SEZ6L2: variants seen among roughly 807,000 people sequenced by gnomAD.
SEZ6L2 encodes the protein seizure related 6 homolog like 2.
A neutral mutation model predicts 97.0 loss-of-function variants in SEZ6L2; 44 were observed. That is an observed-to-expected ratio of 0.45 (90% CI 0.36 to 0.58). The LOEUF (loss-of-function observed/expected upper bound fraction) is 0.58, where lower values mean the gene tolerates loss of function less well. Ranked by LOEUF, SEZ6L2 falls within the 20% of genes least tolerant of loss-of-function variation. The probability of loss-of-function intolerance (pLI) is 0.00; values close to 1 mark genes in which losing one functional copy is unlikely to be tolerated. For missense variants in SEZ6L2, 1,086 were observed against 1,233.3 expected, an observed-to-expected ratio of 0.88 and a Z score of 1.79; for synonymous variants, 543 against 546.1, an observed-to-expected ratio of 0.99 and a Z score of 0.08.
chr16:29,875,273 G>T lies in SEZ6L2; in HGVS notation c.2104+1483C>A, dbSNP rs563933667. On this transcript the variant is annotated intron_variant, in intron 12 of 17. Coordinates refer to ENST00000617533, the MANE Select transcript of SEZ6L2 (RefSeq NM_001243332.2). The stretch of plus-strand genomic sequence containing the variant: ...GGGCGGTCAAAGGACTTGGCCCATG[G>T]TCATTCAGCCAGGGAGTGGCAGAGC... 3.3e-5 allele frequency among the ~76,000 whole-genome samples: 5 copies of T among 152,322 alleles called. No individual in the cohort carries two copies. The South Asian group carries it at 1.0e-3, about 32-fold the overall frequency.
At position 29,899,518 on chromosome 16, in the gene SEZ6L2, C is replaced by T. The variant is rs551761690; in HGVS notation, c.-499G>A. The T allele has an allele frequency of 5.5e-3, 868 of 157,038 alleles. 5 individuals carry two copies. Among genetic ancestry groups the T allele is most frequent in the Non-Finnish European group, 7.9e-3 (562 of 71,380 alleles). 9.7% of individuals were successfully genotyped at this position (157,038 alleles called of 1,614,324 possible). A position where few individuals can be genotyped will look rare whatever the true frequency, so the allele number is the denominator to read the frequency against. On this transcript the variant is annotated 5_prime_UTR_variant, in exon 1 of 18. Transcript: ENST00000617533. The stretch of plus-strand genomic sequence containing the variant: ...TTGGGGAACTGGGAGAGCCGAAGCT[C>T]GGGCACTGGAGCTGCGGGAGGGAGA...
At chr16:29,895,200 G>GT in intron 5 of SEZ6L2, 59 bp downstream of exon 5, 1 of 711,614 alleles carries the variant, frequency 1.4e-6, no homozygotes, top group Non-Finnish European at 2.3e-6. Flanking sequence ...AAAAAAAAAA[G>GT]ATGTCCAGTG....
chr16:29,875,994 C>A (rs2067895425), intron 12 of SEZ6L2, among the ~76,000 whole-genome samples: 1 of 151,882 alleles, frequency 6.6e-6, no homozygotes, highest in African/African-American at 2.4e-5. Flanking sequence ...CTGCCCCAGC[C>A]CTGAGAAAAT....
chr16:29,897,213 G>C, intron 2 of SEZ6L2, 92 bp from the exon 3 acceptor site: 2 of 1,139,518 alleles, frequency 1.8e-6, no homozygotes, highest in Non-Finnish European at 2.4e-6. Flanking sequence ...GGGTTCCCCT[G>C]CCATACCACA....
At chr16:29,887,462 G>A (rs1454816907) in intron 7 of SEZ6L2, among the ~76,000 whole-genome samples, 187 bp downstream of exon 7, 7 of 147,160 alleles carry the variant, frequency 4.8e-5, no homozygotes, top group African/African-American at 1.8e-4. Flanking sequence ...CACCATGCCC[G>A]GCTAATTTTT....
At position 29,877,273 on chromosome 16, in the gene SEZ6L2, T is replaced by C. The variant is rs765968717; in HGVS notation, c.1907A>G (p.Lys636Arg). ...GLGQGFVLHFKEVPRNDTCPE... is the reference protein window; with the variant it reads ...GLGQGFVLHFREVPRNDTCPE... The stretch of plus-strand genomic sequence containing the variant: ...CCCGGGACTCTATCCCTCAGTACCT[T>C]TGAAGTGCAATACGAAGCCCTGGCC... The change falls in exon 11 of 18, where the codon AAA becomes AGA. Residue 636 changes from lysine to arginine, a missense_variant and splice_region_variant. Lys to Arg is a conservative substitution (Grantham distance 26, BLOSUM62 2). Around this residue, in one of 2 missense-constraint regions of SEZ6L2, gnomAD observed 310 missense variants for 438.6 expected, o/e 0.71. Coordinates refer to ENST00000617533, the MANE Select transcript of SEZ6L2 (RefSeq NM_001243332.2). The C allele has an allele frequency of 1.3e-6, 2 of 1,586,860 alleles. No individual in the cohort carries two copies. Among genetic ancestry groups the C allele is most frequent in the East Asian group, 2.3e-5 (1 of 44,400 alleles).
Position 29,895,366 on chromosome 16 carries a change from G to A in SEZ6L2, c.746C>T (p.Ser249Phe). The change falls in exon 5 of 18, where the codon TCC becomes TTC. Residue 249 changes from serine to phenylalanine, a missense_variant. Transcript: ENST00000617533. The part of the protein sequence containing the change: ...GLAPRLLANS[S>F]MLGEGQVLRS... ...AAGGACTTGTCCTTCTCCAAGCATG[G>A]ATGAGTTGGCCAGGAGTCGGGGGGC... The A allele has an allele frequency of 6.2e-7, 1 of 1,614,116 alleles. No homozygotes were observed. Among genetic ancestry groups the A allele is most frequent in the Non-Finnish European group, 8.5e-7 (1 of 1,180,004 alleles).
chr16:29,896,463 G>C (rs1424627505), intron 3 of SEZ6L2, among the ~76,000 whole-genome samples: 1 of 151,992 alleles, frequency 6.6e-6, no homozygotes, highest in Admixed American at 6.6e-5. Context: ...ATTTTTAGTA[G>C]AGACAGGGTT....
Position 29,896,931 on chromosome 16 carries a change from TG to T in SEZ6L2, c.401del (p.Pro134HisfsTer34). 7.3e-7 allele frequency: 1 copy of T among 1,367,386 alleles called. No homozygotes were observed. Among genetic ancestry groups the T allele is most frequent in the Non-Finnish European group, 1.0e-6 (1 of 966,550 alleles). 84.7% of individuals were successfully genotyped at this position (1,367,386 alleles called of 1,614,324 possible). On this transcript the variant is annotated frameshift_variant, in exon 3 of 18. Transcript: ENST00000617533. LOFTEE classifies it high-confidence loss of function. The stretch of plus-strand genomic sequence containing the variant: ...GAGGCCCTGGGGAGGCAGGGCTGGG[TG>T]GGGGTGGGGCTGTGGTTCCTGGGGG... The part of the protein sequence containing the change: ...TPPPGTTAPP[P>X]PSPASPGPPL...
intron 5 of SEZ6L2, among the ~76,000 whole-genome samples, chr16:29,890,158 T>C (rs1053964785): frequency 6.6e-6 from 1 of 152,096 alleles, no homozygotes; most frequent in African/African-American, 2.4e-5. Context: ...ACCTCCTGAC[T>C]TCACTTTCAC....
intron 17 of SEZ6L2, 66 bp downstream of exon 17, chr16:29,872,121 G>T (rs980027851): frequency 3.1e-6 from 4 of 1,286,164 alleles, no homozygotes; most frequent in East Asian, 2.3e-5. Context: ...CAGAGACCTT[G>T]CGAGAAGGTT....
Position 29,895,349 on chromosome 16 carries a change from G to T in SEZ6L2, c.763C>A (p.Gln255Lys). 1.2e-6 allele frequency: 2 copies of T among 1,614,164 alleles called. No individual in the cohort carries two copies. Among genetic ancestry groups the T allele is most frequent in the Non-Finnish European group, 1.7e-6 (2 of 1,180,032 alleles). The change falls in exon 5 of 18, where the codon CAA (glutamine) becomes AAA (lysine). Residue 255 changes from glutamine to lysine, a missense_variant. Physicochemically the swap from Gln to Lys is moderately conservative, Grantham distance 53. Coordinates refer to ENST00000617533, the MANE Select transcript of SEZ6L2 (RefSeq NM_001243332.2). Reference sequence around the variant, plus strand: ...CGGTTGGTTGGGCTCCGAAGGACTTGTCCTTCTCCAAGCATGGATGAGTTG... The same window carrying T: ...CGGTTGGTTGGGCTCCGAAGGACTTTTCCTTCTCCAAGCATGGATGAGTTG... ...LANSSMLGEG[Q>K]VLRSPTNRLL...
At position 29,898,118 on chromosome 16, in the gene SEZ6L2, G is replaced by T. The variant is rs887178082; in HGVS notation, c.80-134C>A. On this transcript the variant is annotated intron_variant, in intron 1 of 17. Coordinates refer to ENST00000617533, the MANE Select transcript of SEZ6L2 (RefSeq NM_001243332.2). ...GGCTCAGATGGTCCCAGGCTCGACT[G>T]AGGGCCAAGATCGGAGGAGGGGCTC... is the stretch of plus-strand genomic sequence containing the variant. 3.0e-6 allele frequency: 4 copies of T among 1,314,126 alleles called. No individual in the cohort carries two copies. The Admixed American group carries it at 1.0e-4, about 33-fold the overall frequency. 81.4% of individuals were successfully genotyped at this position (1,314,126 alleles called of 1,614,324 possible).
chr16:29,872,620 C>G, intron 15 of SEZ6L2, 85 bp downstream of exon 15: 2 of 1,596,104 alleles, frequency 1.3e-6, no homozygotes, highest in Non-Finnish European at 1.7e-6. Flanking sequence ...GGGCTTCATC[C>G]CTCCAAGGCC....
At position 29,873,379 on chromosome 16, in the gene SEZ6L2, C is replaced by T. The variant is rs142521005; in HGVS notation, c.2349G>A (p.Thr783=). The T allele has an allele frequency of 2.7e-5, 44 of 1,614,132 alleles. No individual in the cohort carries two copies. In the East Asian group the frequency reaches 7.1e-4, roughly 26 times the overall value. The stretch of plus-strand genomic sequence containing the variant: ...CCGCCTGGTAGTGGTGCTTGTACAG[C>T]GTCTGGTAGCCATTCTCGGGAACCC... ...NPGVPENGYQ[T]LYKHHYQAGE... The change falls in exon 14 of 18, where the codon ACG becomes ACA. Residue 783 remains threonine, a synonymous_variant. Coordinates refer to ENST00000617533, the MANE Select transcript of SEZ6L2 (RefSeq NM_001243332.2). The surrounding 1 kb of genome is among the most constrained non-coding windows in gnomAD (Gnocchi z 4.3).
At chr16:29,889,082 G>GA (rs71373212) in intron 5 of SEZ6L2, among the ~76,000 whole-genome samples, 2 of 152,048 alleles carry the variant, frequency 1.3e-5, no homozygotes, top group Non-Finnish European at 2.9e-5. Context: ...TGTAATAACA[G>GA]TATTTGCAGA....
intron 8 of SEZ6L2, among the ~76,000 whole-genome samples, chr16:29,882,400 A>C (rs971117553): frequency 4.0e-5 from 6 of 151,888 alleles, no homozygotes; most frequent in African/African-American, 1.4e-4. Flanking sequence ...ACCATGGTGA[A>C]ACTCCGTCTC....
At position 29,873,283 on chromosome 16, in the gene SEZ6L2, G is replaced by T. The variant is rs766855933; in HGVS notation, c.2445C>A (p.Pro815=). The T allele has an allele frequency of 6.2e-7, 1 of 1,614,132 alleles. No individual in the cohort carries two copies. The highest frequency in any genetic ancestry group is 1.3e-5 in the African/African-American group (1 of 75,060). ...GGCTGGTCCACTGGGAGGGGTGGCC[G>T]GGCACACAGGTGATGGTGACCTCGC... ...LIGEVTITCV[P]GHPSQWTSQP... The change falls in exon 14 of 18, where the codon CCC becomes CCA. Residue 815 remains proline, a synonymous_variant. Transcript: ENST00000617533. This position sits in a 1 kb window ranked among gnomAD's most constrained non-coding sequence, Gnocchi z 4.3.
rs779517044 is a variant in SEZ6L2 at position 29,873,439 on chromosome 16, G to T, written c.2297-8C>A. 1.2e-6 allele frequency: 2 copies of T among 1,614,196 alleles called. No homozygotes were observed. The highest frequency in any genetic ancestry group is 1.7e-6 in the Non-Finnish European group (2 of 1,180,026). On this transcript the variant is annotated splice_region_variant and splice_polypyrimidine_tract_variant and intron_variant, in intron 13 of 17. Coordinates refer to ENST00000617533, the MANE Select transcript of SEZ6L2 (RefSeq NM_001243332.2). This position sits in a 1 kb window ranked among gnomAD's most constrained non-coding sequence, Gnocchi z 4.3. ...GGCACGGCTCGTACTTCACTGCGGG[G>T]AGCATGCCAGTCACGTGCCAGCTGC...
Sources: allele counts gnomAD v4.1 joint callset (sites outside exome capture counted in the v4.1 genomes callset), GRCh38; gene constraint gnomAD v4.1.1; regional missense constraint gnomAD v4.1.1; non-coding constraint Gnocchi (gnomAD v3.1); transcripts MANE v1.5; gene names NCBI Gene and HGNC (gene_info 2026-07-23, HGNC 2026-07-21).